The following FER variants were observed in gnomAD, a reference collection of about 807,000 sequenced individuals.
FER encodes the protein tyrosine-protein kinase Fer.
In FER, 63 loss-of-function variants were observed where a neutral mutation model predicts 111.0. That is an observed-to-expected ratio of 0.57 (90% confidence interval 0.46 to 0.70). The LOEUF is 0.70. FER is among the 30% of genes least tolerant of loss of function. FER has a pLI of 0.00. For missense variants in FER, 914 were observed against 954.0 expected, an observed-to-expected ratio of 0.96 and a Z score of 0.55; for synonymous variants, 327 against 313.9, an observed-to-expected ratio of 1.04 and a Z score of -0.44.
At chr5:108,760,045 G>T (rs889757142) in intron 1 of FER, among the ~76,000 whole-genome samples, 88 of 152,266 alleles carry the variant, frequency 5.8e-4, no homozygotes, top group African/African-American at 1.9e-3. Flanking sequence ...ATGGCAGAAT[G>T]GATGTTGCGT....
At chr5:109,184,491 C>T (rs971381570) in intron 18 of FER, among the ~76,000 whole-genome samples, 1 of 152,150 alleles carries the variant, frequency 6.6e-6, no homozygotes, top group Non-Finnish European at 1.5e-5. Context: ...AGGTTATAAG[C>T]TTTTACTTCC....
At chr5:108,791,340 G>A (rs554426552) in intron 2 of FER, among the ~76,000 whole-genome samples, 2 of 152,050 alleles carry the variant, frequency 1.3e-5, no homozygotes, top group Admixed American at 1.3e-4. Flanking sequence ...TTCTAATGGT[G>A]TGAAATAGTT....
chr5:108,828,690 C>A (rs763419408), intron 3 of FER, among the ~76,000 whole-genome samples: 3 of 152,190 alleles, frequency 2.0e-5, no homozygotes, highest in Non-Finnish European at 4.4e-5. Flanking sequence ...GCATCAGTGA[C>A]TTCCTACTGG....
chr5:109,085,596 A>C (rs562969749), intron 16 of FER, among the ~76,000 whole-genome samples: 12 of 151,564 alleles, frequency 7.9e-5, no homozygotes, highest in Non-Finnish European at 1.5e-4. Flanking sequence ...ATAAATGGTA[A>C]GTAGTAAGTG....
chr5:108,803,140 C>A (rs1756856404), intron 3 of FER, among the ~76,000 whole-genome samples: 1 of 152,004 alleles, frequency 6.6e-6, no homozygotes, highest in African/African-American at 2.4e-5. Flanking sequence ...ACTTGTATGT[C>A]TTCCTTTGAG....
intron 9 of FER, among the ~76,000 whole-genome samples, chr5:108,885,400 T>TA (rs981697532): frequency 7.2e-5 from 11 of 151,988 alleles, no homozygotes; most frequent in South Asian, 2.1e-4. Context: ...TAGCTGTTAT[T>TA]ACAACTTGGT....
intron 2 of FER, among the ~76,000 whole-genome samples, chr5:108,787,212 G>A (rs1311546614): frequency 6.6e-6 from 1 of 152,216 alleles, no homozygotes; most frequent in Non-Finnish European, 1.5e-5. Flanking sequence ...GCCAAGTCCA[G>A]GCACTGTTGC....
intron 5 of FER, among the ~76,000 whole-genome samples, chr5:108,839,743 A>G (rs1434893342): frequency 6.6e-6 from 1 of 151,664 alleles, no homozygotes; most frequent in African/African-American, 2.4e-5. Flanking sequence ...ACGCCTGGCT[A>G]ATTTTTTGTA....
intron 2 of FER, among the ~76,000 whole-genome samples, chr5:108,793,524 G>A (rs541967051): frequency 2.2e-5 from 3 of 137,324 alleles, no homozygotes; most frequent in Non-Finnish European, 3.1e-5. Context: ...CGGGGCGGGG[G>A]GGGTGGTTAT....
At chr5:109,156,721 G>C (rs1379641069) in intron 17 of FER, among the ~76,000 whole-genome samples, 1 of 151,998 alleles carries the variant, frequency 6.6e-6, no homozygotes, top group Non-Finnish European at 1.5e-5. Flanking sequence ...GAAACTAAAG[G>C]AATAGTTTCA....
chr5:109,074,610 A>C (rs1169612847), intron 16 of FER, among the ~76,000 whole-genome samples: 1 of 152,240 alleles, frequency 6.6e-6, no homozygotes, highest in Non-Finnish European at 1.5e-5. Context: ...TTTTACAGCT[A>C]TCTCTTGGAG....
chr5:108,845,025 TATATATATATATATAC>T lies in FER; in HGVS notation c.481+9234_481+9249del, dbSNP rs1561503011. 1.3e-3 allele frequency among the ~76,000 whole-genome samples: 69 copies of T among 54,500 alleles called. 1 individual carries two copies. The highest frequency in any genetic ancestry group is 2.2e-3 in the African/African-American group (34 of 15,638). The allele number at this position is 54,500 out of a possible 152,430, so 35.8% of individuals were successfully genotyped here. ...ATATATATATATATATATATATATA[TATATATATATATATAC>T]ATATATATATATATATATATATATA... is the stretch of plus-strand genomic sequence containing the variant. On this transcript the variant is annotated intron_variant, in intron 5 of 19. Transcript: ENST00000281092.
rs867808419 is a variant in FER, at chr5:108,893,651, T to C, written c.1047-4008T>C. On this transcript the variant is annotated intron_variant, in intron 9 of 19. Transcript: ENST00000281092. ...GCATGTTCAGCATTCTAGGTGACAG[T>C]GTCCCCATAAGTCTCCCCCCATATT... 2.6e-5 allele frequency among the ~76,000 whole-genome samples: 4 copies of C among 152,086 alleles called. No homozygotes were observed. The East Asian group carries it at 7.7e-4, about 29-fold the overall frequency.
At chr5:108,893,389 T>G (rs542084738) in intron 9 of FER, among the ~76,000 whole-genome samples, 14 of 152,218 alleles carry the variant, frequency 9.2e-5, no homozygotes, top group African/African-American at 3.4e-4. Context: ...CTATTAATCC[T>G]AGATCTCAAA....
intron 16 of FER, among the ~76,000 whole-genome samples, chr5:109,068,126 A>G (rs1775333366): frequency 6.6e-6 from 1 of 152,036 alleles, no homozygotes; most frequent in African/African-American, 2.4e-5. Context: ...AAACTGAGAA[A>G]GCCCAGTGGG....
At chr5:109,011,482 T>A (rs1766261112) in intron 13 of FER, among the ~76,000 whole-genome samples, 2 of 152,248 alleles carry the variant, frequency 1.3e-5, no homozygotes, top group Middle Eastern at 3.2e-3. Context: ...ACCTCTTTTT[T>A]AAATTATCCC....
intron 3 of FER, among the ~76,000 whole-genome samples, chr5:108,828,062 G>T (rs557011852): frequency 2.7e-4 from 41 of 151,810 alleles, no homozygotes; most frequent in African/African-American, 9.9e-4. Context: ...TAGAGACACT[G>T]TCTTGCTACA....
At chr5:109,026,572 A>T (rs1350442670) in intron 13 of FER, among the ~76,000 whole-genome samples, 2 of 152,230 alleles carry the variant, frequency 1.3e-5, no homozygotes, top group East Asian at 3.8e-4. Context: ...GAGATAATGA[A>T]GCAGGCTGAC....
At position 108,968,503 on chromosome 5, in the gene FER, T is replaced by G. The variant is rs1760198551; in HGVS notation, c.1656+9156T>G. On this transcript the variant is annotated intron_variant, in intron 13 of 19. Transcript: ENST00000281092. ...GAAAGGGATGAAGGAAATAAAAATT[T>G]ATGTGATATGTTAATTAATATAGCC... Among the ~76,000 whole-genome samples, 2 of 152,206 alleles carry G rather than the reference T, an allele frequency of 1.3e-5. 1 individual carries two copies. Among genetic ancestry groups the G allele is most frequent in the South Asian group, 4.1e-4 (2 of 4,832 alleles).
Sources: allele counts gnomAD v4.1 joint callset (sites outside exome capture counted in the v4.1 genomes callset), GRCh38; gene constraint gnomAD v4.1.1; transcripts MANE v1.5; gene names NCBI Gene and HGNC (gene_info 2026-07-23, HGNC 2026-07-21).